The following DYNC2I1 variants were observed in gnomAD, a reference collection of about 807,000 sequenced individuals.
The protein encoded by DYNC2I1 is cytoplasmic dynein 2 intermediate chain 1.
In DYNC2I1, 89 loss-of-function variants were observed where a neutral mutation model predicts 133.4. The observed-to-expected ratio is 0.67, with a 90% CI of 0.56 to 0.80. DYNC2I1 has a LOEUF of 0.80. DYNC2I1 is among the 30% of genes least tolerant of loss of function. The probability of loss-of-function intolerance (pLI) is 0.00; values close to 1 mark genes in which losing one functional copy is unlikely to be tolerated. For synonymous variants in DYNC2I1, 504 were observed against 484.3 expected, an observed-to-expected ratio of 1.04 and a Z score of -0.54; for missense variants, 1,291 against 1,314.5, an observed-to-expected ratio of 0.98 and a Z score of 0.28.
chr7:158,900,466 C>G (rs1364112380), intron 8 of DYNC2I1, among the ~76,000 whole-genome samples: 2 of 152,064 alleles, frequency 1.3e-5, no homozygotes, highest in Non-Finnish European at 2.9e-5. Context: ...TGTTTTTTCC[C>G]CATCTGGCTT....
chr7:158,857,166 C>CT (rs1841342863), intron 1 of DYNC2I1, among the ~76,000 whole-genome samples: 2 of 152,170 alleles, frequency 1.3e-5, no homozygotes, highest in Non-Finnish European at 2.9e-5. Flanking sequence ...AGAGTGCAGC[C>CT]TGGGTGCTTG....
chr7:158,934,705 C>T (rs1054572667), intron 23 of DYNC2I1, among the ~76,000 whole-genome samples, 156 bp downstream of exon 23: 10 of 152,092 alleles, frequency 6.6e-5, no homozygotes, highest in African/African-American at 2.4e-4. Flanking sequence ...CTCAGCCTCC[C>T]GAGTAGCTGG....
At chr7:158,911,502 G>T in intron 11 of DYNC2I1, 48 bp from the exon 12 acceptor site, 1 of 1,593,968 alleles carries the variant, frequency 6.3e-7, no homozygotes, top group Non-Finnish European at 8.6e-7. Context: ...ACTTCCCCAC[G>T]TATATTATTC....
downstream of DYNC2I1, among the ~76,000 whole-genome samples, chr7:158,950,465 G>A (rs1381871950): frequency 1.1e-4 from 13 of 122,964 alleles, no homozygotes; most frequent in East Asian, 5.2e-4. Flanking sequence ...GCCTCTATAC[G>A]ATTCCAGGTG....
intron 8 of DYNC2I1, 89 bp from the exon 9 acceptor site, chr7:158,901,650 T>C: frequency 1.2e-6 from 1 of 816,998 alleles, no homozygotes; most frequent in Non-Finnish European, 2.0e-6. Flanking sequence ...CAAAGGAATG[T>C]CAGAAAACAT....
chr7:158,871,282 G>A lies in DYNC2I1; in HGVS notation c.210G>A (p.Val70=). The A allele has an allele frequency of 1.3e-6, 2 of 1,593,024 alleles. No individual in the cohort carries two copies. The highest frequency in any genetic ancestry group is 1.7e-6 in the Non-Finnish European group (2 of 1,169,120). ...AGGATGCCAGGAGCAGAGACAGGGTGGCCGAAGTCCACACCGCTAAGGAGA... is the reference window on the plus strand; with the variant it reads ...AGGATGCCAGGAGCAGAGACAGGGTAGCCGAAGTCCACACCGCTAAGGAGA... ...PDQDARSRDR[V]AEVHTAKESP... Residue 70 remains valine (V), a synonymous_variant, in exon 3 of 25, where the codon GTG becomes GTA. Coordinates refer to ENST00000407559, the MANE Select transcript of DYNC2I1 (RefSeq NM_018051.5).
At chr7:158,872,632 GAAA>G (rs377630336) in intron 3 of DYNC2I1, among the ~76,000 whole-genome samples, 3 of 142,546 alleles carry the variant, frequency 2.1e-5, no homozygotes, top group Non-Finnish European at 4.6e-5. Context: ...GTCTCTAAAA[GAAA>G]AAAAAAACCA....
chr7:158,897,999 C>T (rs1845905108), intron 8 of DYNC2I1, among the ~76,000 whole-genome samples: 1 of 152,124 alleles, frequency 6.6e-6, no homozygotes, highest in Non-Finnish European at 1.5e-5. Context: ...TTTTTAGCCT[C>T]TGTGTTATTT....
chr7:158,840,819 C>A, the DYNC2I1 span, among the ~76,000 whole-genome samples: 1 of 152,038 alleles, frequency 6.6e-6, no homozygotes, highest in Non-Finnish European at 1.5e-5. Flanking sequence ...TCCAGGACGA[C>A]AAGAGCCTGT....
intron 8 of DYNC2I1, 131 bp from the exon 9 acceptor site, chr7:158,901,608 T>C: frequency 3.1e-6 from 2 of 637,698 alleles, no homozygotes; most frequent in Non-Finnish European, 5.4e-6. Flanking sequence ...ATATTAGTTT[T>C]ACAAATACCT....
At chr7:158,866,025 G>A (rs774453413) in intron 1 of DYNC2I1, among the ~76,000 whole-genome samples, 13 of 152,134 alleles carry the variant, frequency 8.5e-5, no homozygotes, top group Non-Finnish European at 1.9e-4. Flanking sequence ...AAGTAGAGAG[G>A]CCGAAGAAAA....
In DYNC2I1 at chr7:158,904,443, C is replaced by T. The variant is rs553917753; in HGVS notation, c.1358-1546C>T. 2.0e-5 allele frequency: 3 copies of T among 152,290 alleles called. No individual in the cohort carries two copies. The East Asian group carries it at 5.8e-4, about 29-fold the overall frequency. 9.4% of individuals were successfully genotyped at this position (152,290 alleles called of 1,614,324 possible). A position where few individuals can be genotyped will look rare whatever the true frequency, so the allele number is the denominator to read the frequency against. On this transcript the variant is annotated intron_variant, in intron 10 of 24. Transcript: ENST00000407559. ...TTGGTAAATAACTTTTTCCCGTGCA[C>T]TAAAGTTACACCATGGCGTTTGAAA...
intron 1 of DYNC2I1, among the ~76,000 whole-genome samples, chr7:158,858,038 G>A (rs898599400): frequency 6.6e-6 from 1 of 151,914 alleles, no homozygotes; most frequent in Non-Finnish European, 1.5e-5. Context: ...TGATCCGCCC[G>A]CCTTGGCCTC....
downstream of DYNC2I1, among the ~76,000 whole-genome samples, chr7:158,948,480 G>A (rs1563219437): frequency 6.6e-6 from 1 of 152,224 alleles, no homozygotes; most frequent in Non-Finnish European, 1.5e-5. Context: ...GTGTGCTGAG[G>A]ATACCCCGCT....
At chr7:158,952,688 AAAG>A (rs1192164450) in intron 4 of DYNC2I1, among the ~76,000 whole-genome samples, 1 of 152,098 alleles carries the variant, frequency 6.6e-6, no homozygotes, top group Non-Finnish European at 1.5e-5. Context: ...GACAGGGAGA[AAAG>A]GAGGGTGAAC....
intron 1 of DYNC2I1, among the ~76,000 whole-genome samples, chr7:158,863,717 T>G (rs1326857402): frequency 3.4e-4 from 7 of 20,342 alleles, no homozygotes; most frequent in African/African-American, 4.5e-4. Context: ...GGGGGGGCGG[T>G]GAGCGGGACG....
chr7:158,887,414 C>T (rs1034533952), intron 7 of DYNC2I1, among the ~76,000 whole-genome samples: 7 of 151,878 alleles, frequency 4.6e-5, no homozygotes, highest in Admixed American at 3.9e-4. Flanking sequence ...CAGCAGAAGG[C>T]GATAAAACAA....
At chr7:158,913,936 C>G (rs1245124216) in intron 13 of DYNC2I1, among the ~76,000 whole-genome samples, 6 of 152,216 alleles carry the variant, frequency 3.9e-5, no homozygotes, top group Non-Finnish European at 2.9e-5. Flanking sequence ...TCTTGAACTC[C>G]TGACCTCAGA....
intron 23 of DYNC2I1, among the ~76,000 whole-genome samples, chr7:158,937,781 TGTGGAGGCAA>T (rs538692147): frequency 7.8e-4 from 118 of 151,932 alleles, no homozygotes; most frequent in Non-Finnish European, 1.5e-3. Context: ...AATGGTGGCA[TGTGGAGGCAA>T]ATGGAGGCTG....
Sources: gnomAD v4.1 joint callset for allele counts (sites outside exome capture counted in the v4.1 genomes callset) on GRCh38, gnomAD v4.1.1 for gene constraint, MANE v1.5 for transcripts, NCBI Gene and HGNC (gene_info 2026-07-23, HGNC 2026-07-21) for gene names.